The following ZNF367 variants were observed in gnomAD, a reference collection of about 807,000 sequenced individuals.
The protein encoded by ZNF367 is C2H2 zinc finger protein ZFF29.
ZNF367 carries 11 observed loss-of-function variants against 31.8 expected under a neutral mutation model. The ratio of observed to expected loss-of-function variants is 0.35; its 90% CI spans 0.22 to 0.57. The LOEUF (loss-of-function observed/expected upper bound fraction) is 0.57, where lower values mean the gene tolerates loss of function less well. ZNF367 is among the 20% of genes least tolerant of loss of function. The probability of loss-of-function intolerance (pLI) is 0.85; values close to 1 mark genes in which losing one functional copy is unlikely to be tolerated. For missense variants in ZNF367, 353 were observed against 484.1 expected (o/e 0.73, Z 2.54); for synonymous variants, 199 against 202.4 (o/e 0.98, Z 0.14).
chr9:96,416,288 G>A (rs1420205228), intron 1 of ZNF367, among the ~76,000 whole-genome samples: 1 of 151,556 alleles, frequency 6.6e-6, no homozygotes, highest in African/African-American at 2.4e-5. Context: ...GGGTTTCACC[G>A]TGTTAGCCAG....
intron 4 of ZNF367, among the ~76,000 whole-genome samples, chr9:96,390,240 A>G (rs1831456541): frequency 6.6e-6 from 1 of 152,202 alleles, no homozygotes; most frequent in Admixed American, 6.5e-5. Context: ...CCAAAAAAAA[A>G]AAGAAATACA....
At position 96,394,804 on chromosome 9, in the gene ZNF367, T is replaced by A; in HGVS notation, c.691+19A>T. ...AGTCACAACTAGTTATTCCATAAAC[T>A]TAACTTCTAACACCGTACCATTTTC... On this transcript the variant is annotated intron_variant, in intron 3 of 4. Coordinates refer to ENST00000375256, the MANE Select transcript of ZNF367 (RefSeq NM_153695.4). 5 of 1,610,268 alleles carry A rather than the reference T, an allele frequency of 3.1e-6. No homozygotes were observed. Among genetic ancestry groups the A allele is most frequent in the Non-Finnish European group, 4.2e-6 (5 of 1,177,820 alleles).
chr9:96,414,161 T>C (rs747777538), intron 1 of ZNF367, among the ~76,000 whole-genome samples: 6 of 152,214 alleles, frequency 3.9e-5, no homozygotes, highest in Admixed American at 6.5e-5. Context: ...TTTTCCTTCT[T>C]GCCCCCACAA....
At position 96,398,246 on chromosome 9, in the gene ZNF367, T is replaced by C; in HGVS notation, c.489A>G (p.Ser163=). The change falls in exon 2 of 5, where the codon TCA becomes TCG. Residue 163 remains serine (S), a synonymous_variant. Transcript: ENST00000375256. ...AGATGTTACAACGGATTCTGCTGGA[T>C]GAATGCTCTCCTTCATTTATTAAAT... ...VRDLINEGEH[S]SSRIRCNICN... 6.2e-7 allele frequency: 1 copy of C among 1,613,910 alleles called. No homozygotes were observed. Among genetic ancestry groups the C allele is most frequent in the Non-Finnish European group, 8.5e-7 (1 of 1,179,886 alleles).
intron 4 of ZNF367, among the ~76,000 whole-genome samples, chr9:96,391,675 A>G (rs754990381): frequency 6.6e-6 from 1 of 152,202 alleles, no homozygotes; most frequent in Non-Finnish European, 1.5e-5. Flanking sequence ...ATTCTTTTAT[A>G]CTGGCCCCCT....
At chr9:96,390,678 G>T (rs1831461657) in intron 4 of ZNF367, among the ~76,000 whole-genome samples, 1 of 152,008 alleles carries the variant, frequency 6.6e-6, no homozygotes, top group African/African-American at 2.4e-5. Context: ...GAGGCCAGGA[G>T]TTTGAGACCA....
chr9:96,401,432 G>A (rs1015267776), intron 1 of ZNF367, among the ~76,000 whole-genome samples: 5 of 152,006 alleles, frequency 3.3e-5, no homozygotes. Flanking sequence ...AAGCCGAGGC[G>A]GGCAGATCAC....
chr9:96,407,256 T>C, intron 1 of ZNF367: 8 of 1,290,518 alleles, frequency 6.2e-6, no homozygotes, highest in Non-Finnish European at 9.0e-6. Context: ...CCCCAGGGGC[T>C]GCTCCTGGCG....
At position 96,407,814 on chromosome 9, in the gene ZNF367, C is replaced by T. The variant is rs564794136; in HGVS notation, c.421-9500G>A. 31 of 981,512 alleles carry T rather than the reference C, an allele frequency of 3.2e-5. No individual in the cohort carries two copies. The African/African-American group carries it at 4.9e-4, about 16-fold the overall frequency. The allele number at this position is 981,512 out of a possible 1,614,324, so 60.8% of individuals were successfully genotyped here. Reference sequence around the variant, plus strand: ...TCAGGCCAATGAGACGGGGTTTCACCGTGTTAGCCAGGATGGTCTCGATCT... The same window carrying T: ...TCAGGCCAATGAGACGGGGTTTCACTGTGTTAGCCAGGATGGTCTCGATCT... On this transcript the variant is annotated intron_variant, in intron 1 of 4. Transcript: ENST00000375256.
chr9:96,392,760 A>G (rs988164522), intron 3 of ZNF367, among the ~76,000 whole-genome samples: 1 of 152,230 alleles, frequency 6.6e-6, no homozygotes, highest in African/African-American at 2.4e-5. Context: ...GTCCAACACC[A>G]TTGGAAAGTG....
At position 96,395,006 on chromosome 9, in the gene ZNF367, G is replaced by A. The variant is rs878976272; in HGVS notation, c.572-64C>T. 3 of 1,579,876 alleles carry A rather than the reference G, an allele frequency of 1.9e-6. No homozygotes were observed. The East Asian group carries it at 6.8e-5, about 36-fold the overall frequency. Reference sequence around the variant, plus strand: ...AAGGCCAGAAGAGGAGGGGGATGGGGAGAGAATCAGCCTTTATATAGGTCA... The same window carrying A: ...AAGGCCAGAAGAGGAGGGGGATGGGAAGAGAATCAGCCTTTATATAGGTCA... On this transcript the variant is annotated intron_variant, in intron 2 of 4. Coordinates refer to ENST00000375256, the MANE Select transcript of ZNF367 (RefSeq NM_153695.4).
intron 1 of ZNF367, among the ~76,000 whole-genome samples, chr9:96,413,076 A>G (rs2131083035): frequency 6.6e-6 from 1 of 152,284 alleles, no homozygotes; most frequent in South Asian, 2.1e-4. Context: ...GTCTATTTAC[A>G]TGTGATAGTC....
At chr9:96,406,569 T>C (rs1831673551) in intron 1 of ZNF367, among the ~76,000 whole-genome samples, 1 of 152,256 alleles carries the variant, frequency 6.6e-6, no homozygotes, top group African/African-American at 2.4e-5. Flanking sequence ...TTTAATGAAG[T>C]CTTTACCTAT....
Position 96,392,552 on chromosome 9 carries a change from T to A in ZNF367, c.692-16A>T. 6.3e-7 allele frequency: 1 copy of A among 1,586,740 alleles called. No individual in the cohort carries two copies. Among genetic ancestry groups the A allele is most frequent in the East Asian group, 2.3e-5 (1 of 44,152 alleles). ...CTCAGGCAGCCTTCAAAACACAAGG[T>A]TAACACCTGTCAGGATCTGGACATC... On this transcript the variant is annotated splice_polypyrimidine_tract_variant and intron_variant, in intron 3 of 4. Coordinates refer to ENST00000375256, the MANE Select transcript of ZNF367 (RefSeq NM_153695.4).
intron 1 of ZNF367, among the ~76,000 whole-genome samples, chr9:96,408,915 G>T (rs1250928188): frequency 6.6e-6 from 1 of 152,176 alleles, no homozygotes; most frequent in Non-Finnish European, 1.5e-5. Flanking sequence ...GTGTAGTTTG[G>T]ATGTTTGTCC....
chr9:96,397,315 CT>C (rs933178213), intron 2 of ZNF367, among the ~76,000 whole-genome samples: 101 of 145,482 alleles, frequency 6.9e-4, no homozygotes, highest in East Asian at 2.8e-3. Flanking sequence ...GCCCTCTATA[CT>C]TTTTTTTTTT....
At chr9:96,412,480 C>G (rs761285146) in intron 1 of ZNF367, among the ~76,000 whole-genome samples, 1 of 152,084 alleles carries the variant, frequency 6.6e-6, no homozygotes, top group African/African-American at 2.4e-5. Context: ...CAGAGGGAGG[C>G]GTGTGAACCT....
intron 1 of ZNF367, among the ~76,000 whole-genome samples, chr9:96,415,754 C>A (rs1215193720): frequency 6.6e-6 from 1 of 151,288 alleles, no homozygotes; most frequent in Admixed American, 6.6e-5. Flanking sequence ...CCGCCTCAGC[C>A]TCCCAAAGTG....
chr9:96,395,706 T>A (rs1204782562), intron 2 of ZNF367, among the ~76,000 whole-genome samples: 1 of 152,178 alleles, frequency 6.6e-6, no homozygotes, highest in Non-Finnish European at 1.5e-5. Flanking sequence ...CCTATCTACC[T>A]CCAAATAATT....
Sources: allele counts gnomAD v4.1 joint callset (sites outside exome capture counted in the v4.1 genomes callset), GRCh38; gene constraint gnomAD v4.1.1; transcripts MANE v1.5; gene names NCBI Gene and HGNC (gene_info 2026-07-23, HGNC 2026-07-21).